The following PRSS23 variants were observed in gnomAD, a reference collection of about 807,000 sequenced individuals.
PRSS23 encodes protease, serine 23.
Under a neutral mutation model 34.7 loss-of-function variants are expected in PRSS23, and 25 were observed. The ratio of observed to expected loss-of-function variants is 0.72; its 90% confidence interval spans 0.53 to 1.01. The LOEUF is 1.01. Ranked by LOEUF, PRSS23 falls within the 50% of genes least tolerant of loss-of-function variation. The pLI is 0.00. For missense variants in PRSS23, 445 were observed against 475.6 expected (o/e 0.94, Z 0.60); for synonymous variants, 176 against 186.6 (o/e 0.94, Z 0.46).
downstream of PRSS23, among the ~76,000 whole-genome samples, chr11:86,813,821 T>C (rs1057303589): frequency 6.6e-6 from 1 of 152,230 alleles, no homozygotes; most frequent in Non-Finnish European, 1.5e-5. Flanking sequence ...AATATCTCTT[T>C]GGATGCTAAA....
chr11:86,818,014 T>G lies in PRSS23; in HGVS notation c.-11-5363T>G, dbSNP rs187421411. On this transcript the variant is annotated intron_variant, in intron 1 of 2. Coordinates refer to the PRSS23 transcript ENST00000533902. ...GGAGCAACTAACCATGCCTCCAGAT[T>G]GGGAGTCAGGAGCCTCAGGGAAGGC... Among the ~76,000 whole-genome samples, 109 of 152,324 alleles carry G rather than the reference T, an allele frequency of 7.2e-4. 1 individual carries two copies. The highest frequency in any genetic ancestry group is 6.8e-3 in the Middle Eastern group (2 of 294).
chr11:86,946,122 TCAGAAACAC>T (rs1448139616), intron 2 of PRSS23: 1 of 152,372 alleles, frequency 6.6e-6, no homozygotes, highest in African/African-American at 2.4e-5. Context: ...TAGACAAAAT[TCAGAAACAC>T]CTCCATGCCT....
At chr11:86,880,283 C>T (rs1382242905) in intron 2 of PRSS23, among the ~76,000 whole-genome samples, 1 of 149,926 alleles carries the variant, frequency 6.7e-6, no homozygotes, top group Non-Finnish European at 1.5e-5. Flanking sequence ...TCCCTAATCT[C>T]AAGTACCCAG....
chr11:86,879,874 G>T (rs1456041269), intron 2 of PRSS23, among the ~76,000 whole-genome samples: 2 of 144,538 alleles, frequency 1.4e-5, no homozygotes, highest in African/African-American at 2.6e-5. Flanking sequence ...GGTGAGGGGC[G>T]CCTCTGCCCG....
intron 2 of PRSS23, among the ~76,000 whole-genome samples, chr11:86,844,511 A>C (rs2134909046): frequency 6.6e-6 from 1 of 152,312 alleles, no homozygotes; most frequent in African/African-American, 2.4e-5. Flanking sequence ...AAGTTCTAAG[A>C]ACATTTTGGT....
chr11:86,880,459 AT>A (rs1277654871), intron 2 of PRSS23, among the ~76,000 whole-genome samples: 21 of 151,160 alleles, frequency 1.4e-4, no homozygotes, highest in African/African-American at 4.6e-4. Flanking sequence ...AATAAAAAAA[AT>A]AAAAAGATAA....
intron 2 of PRSS23, among the ~76,000 whole-genome samples, chr11:86,890,292 T>C (rs1948832882): frequency 6.6e-6 from 1 of 152,010 alleles, no homozygotes; most frequent in Non-Finnish European, 1.5e-5. Context: ...ATTTCCCCAG[T>C]TGAGTCTAAT....
At chr11:86,914,869 G>C (rs1474539091) in intron 2 of PRSS23, among the ~76,000 whole-genome samples, 1 of 152,212 alleles carries the variant, frequency 6.6e-6, no homozygotes, top group Non-Finnish European at 1.5e-5. Context: ...AGAATGTACT[G>C]AGTTGCTGAG....
chr11:86,812,787 CAAAAAAA>C (rs35855610), downstream of PRSS23, among the ~76,000 whole-genome samples: 7 of 83,922 alleles, frequency 8.3e-5, no homozygotes, highest in Non-Finnish European at 1.3e-4. Context: ...GACTCTGTCT[CAAAAAAA>C]AAAAAAAAAA....
chr11:86,842,808 G>A (rs558254763), intron 2 of PRSS23, among the ~76,000 whole-genome samples: 1 of 152,248 alleles, frequency 6.6e-6, no homozygotes, highest in South Asian at 2.1e-4. Context: ...CATGCTCATG[G>A]GTAGGAAGAA....
At chr11:86,818,292 G>A (rs1948227656) in intron 1 of PRSS23, among the ~76,000 whole-genome samples, 1 of 152,114 alleles carries the variant, frequency 6.6e-6, no homozygotes, top group Non-Finnish European at 1.5e-5. Flanking sequence ...CCTTTATGCT[G>A]TGCCACATCA....
chr11:86,835,046 A>G (rs1948394111), intron 2 of PRSS23, among the ~76,000 whole-genome samples: 1 of 152,192 alleles, frequency 6.6e-6, no homozygotes, highest in Non-Finnish European at 1.5e-5. Flanking sequence ...ACTTGTTGAC[A>G]GTTATATTCT....
rs1252071666 is a variant in PRSS23, at chr11:86,951,381, T to C, written c.*96T>C. The stretch of plus-strand genomic sequence containing the variant: ...TACCGAAAAAGTGCCCAGTTGGAGA[T>C]TTCATAAAAATAACAGGCAATCACA... On this transcript the variant is annotated 3_prime_UTR_variant, in exon 3 of 3. Transcript: ENST00000533902. The C allele has an allele frequency of 1.2e-6, 2 of 1,613,866 alleles. No homozygotes were observed. The highest frequency in any genetic ancestry group is 8.5e-7 in the Non-Finnish European group (1 of 1,179,906).
intron 2 of PRSS23, among the ~76,000 whole-genome samples, chr11:86,841,092 C>A (rs533948004): frequency 1.3e-5 from 2 of 152,206 alleles, no homozygotes; most frequent in Admixed American, 6.5e-5. Flanking sequence ...GTAATCCCAG[C>A]ATTTTGGGAG....
intron 2 of PRSS23, among the ~76,000 whole-genome samples, chr11:86,866,507 C>G (rs1948650546): frequency 6.6e-6 from 1 of 152,220 alleles, no homozygotes; most frequent in Admixed American, 6.5e-5. Flanking sequence ...CATTCATCAT[C>G]TATTCATTCA....
chr11:86,846,346 G>A (rs1948486397), intron 2 of PRSS23, among the ~76,000 whole-genome samples: 1 of 152,014 alleles, frequency 6.6e-6, no homozygotes, highest in Non-Finnish European at 1.5e-5. Flanking sequence ...TTAGAATTTG[G>A]AGGCTAAACT....
intron 1 of PRSS23, among the ~76,000 whole-genome samples, chr11:86,819,953 T>C (rs1001715661): frequency 3.3e-4 from 51 of 152,358 alleles, no homozygotes; most frequent in African/African-American, 1.2e-3. Flanking sequence ...TGGCATTCAA[T>C]AGATTATAAG....
At position 86,800,683 on chromosome 11, in the gene PRSS23, C is replaced by T. The variant is rs902979601; in HGVS notation, c.-14+32C>T. 3.3e-5 allele frequency: 32 copies of T among 978,476 alleles called. No homozygotes were observed. The Admixed American group carries it at 4.3e-4, about 13-fold the overall frequency. 60.6% of individuals were successfully genotyped at this position (978,476 alleles called of 1,614,324 possible). A position where few individuals can be genotyped will look rare whatever the true frequency, so the allele number is the denominator to read the frequency against. On this transcript the variant is annotated intron_variant, in intron 1 of 1. Coordinates refer to ENST00000280258, the MANE Select transcript of PRSS23 (RefSeq NM_007173.6). ...GCGGGCACCGACTGGGGCATCCGCC[C>T]GGGCGCGGGAGAGGCGAGGCGCCGG...
intron 2 of PRSS23, among the ~76,000 whole-genome samples, chr11:86,869,400 G>A (rs1248335288): frequency 1.3e-5 from 2 of 152,136 alleles, no homozygotes; most frequent in African/African-American, 2.4e-5. Context: ...CACCTATCAA[G>A]GGTTAGACAC....
Sources: gnomAD v4.1 joint callset for allele counts (sites outside exome capture counted in the v4.1 genomes callset) on GRCh38, gnomAD v4.1.1 for gene constraint, MANE v1.5 for transcripts, NCBI Gene and HGNC (gene_info 2026-07-23, HGNC 2026-07-21) for gene names.